Variants in UFL1 observed in about 807,000 individuals in gnomAD.
UFL1 encodes UFM1 specific ligase 1, also known as E3 UFM1-protein ligase 1.
In UFL1, 78 loss-of-function variants were observed where a neutral mutation model predicts 99.3. The observed-to-expected ratio is 0.79, with a 90% CI of 0.65 to 0.95. The LOEUF is 0.95. Ranked by LOEUF, UFL1 falls within the 40% of genes least tolerant of loss-of-function variation. UFL1 has a pLI of 0.00. For synonymous variants in UFL1, 335 were observed against 322.2 expected (o/e 1.04, Z -0.42); for missense variants, 936 against 937.0 (o/e 1.00, Z 0.01).
chr6:96,537,400 A>G lies in UFL1; in HGVS notation c.829A>G (p.Ile277Val). 6.3e-7 allele frequency: 1 copy of G among 1,584,116 alleles called. No individual in the cohort carries two copies. Among genetic ancestry groups the G allele is most frequent in the Non-Finnish European group, 8.6e-7 (1 of 1,169,426 alleles). The change falls in exon 9 of 19, where the codon ATC (isoleucine) becomes GTC (valine). Residue 277 changes from isoleucine (I) to valine (V), a missense_variant. Coordinates refer to ENST00000369278, the MANE Select transcript of UFL1 (RefSeq NM_015323.5). The stretch of plus-strand genomic sequence containing the variant: ...ATTTGATGCTTTGTCCAGACTTGGA[A>G]TCCCAGATGCTGTAAGCTACATAAA... ...LEFDALSRLGIPDAVSYIKKR... is the reference protein window; with the variant it reads ...LEFDALSRLGVPDAVSYIKKR...
chr6:96,531,687 T>C (rs1163353254), intron 6 of UFL1, among the ~76,000 whole-genome samples: 1 of 152,214 alleles, frequency 6.6e-6, no homozygotes, highest in East Asian at 1.9e-4. Flanking sequence ...TGTCAAAAAC[T>C]AAAAACTAAA....
chr6:96,524,472 G>A (rs1192440836), intron 3 of UFL1, 62 bp downstream of exon 3: 1 of 1,317,012 alleles, frequency 7.6e-7, no homozygotes, highest in Non-Finnish European at 1.1e-6. Flanking sequence ...CTGTGAATTT[G>A]TTCAAGTATT....
chr6:96,548,264 T>C lies in UFL1; in HGVS notation c.1503T>C (p.Leu501=), dbSNP rs776706438. 1 of 1,589,242 alleles carries C rather than the reference T, an allele frequency of 6.3e-7. No homozygotes were observed. The highest frequency in any genetic ancestry group is 1.1e-5 in the South Asian group (1 of 86,964). ...CCCCTGAGGAGTTTATTTCGGAACT[T>C]GCTGAGTACTTAATAAAGCAAGTAT... ...QDAPEEFISE[L]AEYLIKPLNK... The change falls in exon 13 of 19, where the codon CTT becomes CTC. Residue 501 remains leucine, a synonymous_variant. Transcript: ENST00000369278.
chr6:96,540,405 C>T, intron 10 of UFL1, 130 bp from the exon 11 acceptor site: 1 of 1,196,594 alleles, frequency 8.4e-7, no homozygotes, highest in Non-Finnish European at 1.1e-6. Flanking sequence ...AGAGTGACAG[C>T]TCTGAAACAA....
At chr6:96,549,324 A>T in intron 13 of UFL1, 88 bp from the exon 14 acceptor site, 1 of 1,044,936 alleles carries the variant, frequency 9.6e-7, no homozygotes, top group Non-Finnish European at 1.3e-6. Context: ...TTCTATTCTT[A>T]AGCCTTATTT....
chr6:96,524,280 C>A, intron 2 of UFL1, 102 bp from the exon 3 acceptor site: 2 of 1,010,434 alleles, frequency 2.0e-6, no homozygotes, highest in Non-Finnish European at 2.9e-6. Context: ...GCTCTCTGTT[C>A]TATGCAGGAC....
intron 6 of UFL1, among the ~76,000 whole-genome samples, chr6:96,531,677 T>C: frequency 6.6e-6 from 1 of 152,208 alleles, no homozygotes; most frequent in East Asian, 1.9e-4. Flanking sequence ...TTTATTACTT[T>C]GTCAAAAACT....
In UFL1 at chr6:96,525,392, T is replaced by C. The variant is rs1182854547; in HGVS notation, c.348T>C (p.Asp116=). The change falls in exon 4 of 19, where the codon GAT becomes GAC. Residue 116 remains aspartate, a splice_region_variant and synonymous_variant. Transcript: ENST00000369278. ...HVQLVLGQLI[D]ENYLDRLAEE... is the part of the protein sequence containing the mutation. ...AGTTAGTGTTGGGACAACTGATAGA[T>C]GAGTAAGTACAATAAAGTACAAATT... 1 of 1,595,912 alleles carries C rather than the reference T, an allele frequency of 6.3e-7. No individual in the cohort carries two copies. Among genetic ancestry groups the C allele is most frequent in the Non-Finnish European group, 8.6e-7 (1 of 1,168,728 alleles).
chr6:96,530,192 T>C (rs1164113704), intron 6 of UFL1, among the ~76,000 whole-genome samples: 1 of 152,224 alleles, frequency 6.6e-6, no homozygotes, highest in African/African-American at 2.4e-5. Context: ...GATTTTTCCT[T>C]GACATTCATG....
intron 2 of UFL1, 139 bp from the exon 3 acceptor site, chr6:96,524,243 G>A (rs1769668390): frequency 1.5e-6 from 1 of 680,824 alleles, no homozygotes; most frequent in Non-Finnish European, 2.5e-6. Flanking sequence ...AGCTAATGGT[G>A]TGTATTTGAA....
At chr6:96,534,070 A>C (rs1769820370) in intron 6 of UFL1, among the ~76,000 whole-genome samples, 193 bp from the exon 7 acceptor site, 2 of 151,944 alleles carry the variant, frequency 1.3e-5, no homozygotes, top group African/African-American at 4.8e-5. Flanking sequence ...CCTTGATTGC[A>C]AGTACAAATT....
chr6:96,551,974 T>A, intron 17 of UFL1, 51 bp downstream of exon 17: 1 of 1,360,738 alleles, frequency 7.3e-7, no homozygotes, highest in Non-Finnish European at 1.0e-6. Context: ...GTGGAGCCTT[T>A]CATATCTGAA....
chr6:96,545,055 A>G (rs1220950728), intron 12 of UFL1, among the ~76,000 whole-genome samples: 1 of 151,120 alleles, frequency 6.6e-6, no homozygotes, highest in Admixed American at 6.6e-5. Flanking sequence ...GAAAATGCAT[A>G]AAGGAAGTAA....
At chr6:96,537,201 G>A (rs1242027578) in intron 8 of UFL1, among the ~76,000 whole-genome samples, 173 bp from the exon 9 acceptor site, 1 of 151,712 alleles carries the variant, frequency 6.6e-6, no homozygotes, top group Non-Finnish European at 1.5e-5. Context: ...TCATGGATTA[G>A]AACTTTGTTA....
chr6:96,539,235 C>T (rs1769896502), intron 10 of UFL1, among the ~76,000 whole-genome samples: 1 of 151,526 alleles, frequency 6.6e-6, no homozygotes, highest in East Asian at 1.9e-4. Context: ...GGGTAAATTA[C>T]TGAAGAAAGA....
intron 6 of UFL1, among the ~76,000 whole-genome samples, chr6:96,530,650 G>T (rs1052088122): frequency 9.2e-5 from 14 of 152,030 alleles, no homozygotes; most frequent in Non-Finnish European, 1.9e-4. Flanking sequence ...TAGTGGTAGC[G>T]CCTGCAGGTT....
At chr6:96,544,884 G>A (rs1269267497) in intron 12 of UFL1, among the ~76,000 whole-genome samples, 1 of 150,858 alleles carries the variant, frequency 6.6e-6, no homozygotes, top group Non-Finnish European at 1.5e-5. Flanking sequence ...AGCTATAAAA[G>A]TAGTAAAACC....
At chr6:96,526,225 G>A in intron 4 of UFL1, 96 bp from the exon 5 acceptor site, 3 of 933,426 alleles carry the variant, frequency 3.2e-6, no homozygotes, top group Admixed American at 2.2e-5. Flanking sequence ...TACTTTTGGG[G>A]CATACTTCAT....
intron 3 of UFL1, 148 bp from the exon 4 acceptor site, chr6:96,525,149 C>T (rs957427095): frequency 1.1e-5 from 6 of 565,978 alleles, no homozygotes; most frequent in South Asian, 2.5e-5. Flanking sequence ...GGGATCCTCC[C>T]GCCTCATCCT....
Sources: allele counts gnomAD v4.1 joint callset (sites outside exome capture counted in the v4.1 genomes callset), GRCh38; gene constraint gnomAD v4.1.1; transcripts MANE v1.5; gene names NCBI Gene and HGNC (gene_info 2026-07-23, HGNC 2026-07-21).